MFHAS1: variants seen among roughly 807,000 people sequenced by gnomAD.
MFHAS1 encodes the protein malignant fibrous histiocytoma-amplified sequence 1.
In MFHAS1, 50 loss-of-function variants were observed where a neutral mutation model predicts 70.4. That is an observed-to-expected ratio of 0.71 (90% CI 0.57 to 0.90). MFHAS1 has a LOEUF of 0.90. MFHAS1 is among the 40% of genes least tolerant of loss of function. The pLI is 0.00. For synonymous variants in MFHAS1, 952 were observed against 620.0 expected, an observed-to-expected ratio of 1.54 and a Z score of -7.96; for missense variants, 1,795 against 1,347.6, an observed-to-expected ratio of 1.33 and a Z score of -5.20.
intron 1 of MFHAS1, among the ~76,000 whole-genome samples, chr8:8,847,520 C>T (rs1003995369): frequency 2.6e-5 from 4 of 152,100 alleles, no homozygotes; most frequent in Non-Finnish European, 5.9e-5. Flanking sequence ...AAAGGATCTA[C>T]TCAGAAGCAG....
chr8:8,889,189 G>A (rs1809890682), intron 1 of MFHAS1, among the ~76,000 whole-genome samples: 1 of 152,034 alleles, frequency 6.6e-6, no homozygotes, highest in Non-Finnish European at 1.5e-5. Context: ...ATTAAGCACT[G>A]CCAGAAAGCT....
Position 8,889,871 on chromosome 8 carries a change from T to G in MFHAS1, c.2998+190A>C, listed in dbSNP as rs536986883. On this transcript the variant is annotated intron_variant, in intron 1 of 2. Transcript: ENST00000276282. Reference sequence around the variant, plus strand: ...GTCTGTTAGGAGAGGATGACACTTGTGACTGCATTTCATAAGGCTCAGGTA... The same window carrying G: ...GTCTGTTAGGAGAGGATGACACTTGGGACTGCATTTCATAAGGCTCAGGTA... Among the ~76,000 whole-genome samples, 9 of 152,226 alleles carry G rather than the reference T, an allele frequency of 5.9e-5. 1 individual carries two copies. Among genetic ancestry groups the G allele is most frequent in the Non-Finnish European group, 1.3e-4 (9 of 68,034 alleles).
intron 1 of MFHAS1, among the ~76,000 whole-genome samples, chr8:8,835,995 C>A (rs917957241): frequency 6.6e-6 from 1 of 152,196 alleles, no homozygotes; most frequent in Non-Finnish European, 1.5e-5. Flanking sequence ...CAGGCTATAG[C>A]CTGCGAAGCG....
intron 1 of MFHAS1, among the ~76,000 whole-genome samples, chr8:8,823,903 G>C (rs182310327): frequency 8.0e-6 from 1 of 125,264 alleles, no homozygotes; most frequent in Non-Finnish European, 1.7e-5. Context: ...ATGAGTGAGC[G>C]CTCACAGAAA....
chr8:8,856,449 C>T (rs1808442931), intron 1 of MFHAS1, among the ~76,000 whole-genome samples: 1 of 152,164 alleles, frequency 6.6e-6, no homozygotes, highest in South Asian at 2.1e-4. Flanking sequence ...ATGGTGTGTA[C>T]ATATTTCCTG....
At chr8:8,811,349 C>G (rs1806540200) in intron 1 of MFHAS1, among the ~76,000 whole-genome samples, 1 of 151,882 alleles carries the variant, frequency 6.6e-6, no homozygotes, top group Non-Finnish European at 1.5e-5. Context: ...GCGCTGTCAC[C>G]CAGGCTGGAG....
chr8:8,871,765 G>A (rs1248365919), intron 1 of MFHAS1, among the ~76,000 whole-genome samples: 1 of 152,182 alleles, frequency 6.6e-6, no homozygotes, highest in East Asian at 1.9e-4. Context: ...TACATCCAAG[G>A]CTCAGATGCA....
At chr8:8,824,929 C>T (rs999321285) in intron 1 of MFHAS1, among the ~76,000 whole-genome samples, 2 of 152,216 alleles carry the variant, frequency 1.3e-5, no homozygotes, top group Non-Finnish European at 2.9e-5. Context: ...CAGTCAGATG[C>T]GCTTCTCTGC....
chr8:8,838,902 C>T (rs1807702822), intron 1 of MFHAS1, among the ~76,000 whole-genome samples: 1 of 151,946 alleles, frequency 6.6e-6, no homozygotes, highest in South Asian at 2.1e-4. Flanking sequence ...CTTTCTCTTT[C>T]TCTGATCTAA....
rs933636143 is a variant in MFHAS1, at chr8:8,861,974, T to C, written c.2998+28087A>G. Reference sequence around the variant, plus strand: ...ACAAGTTGTTTCCAGTATGTGGCAATTGTGGAAAAAGCTGTTATGAACATT... The same window carrying C: ...ACAAGTTGTTTCCAGTATGTGGCAACTGTGGAAAAAGCTGTTATGAACATT... On this transcript the variant is annotated intron_variant, in intron 1 of 2. Coordinates refer to ENST00000276282, the MANE Select transcript of MFHAS1 (RefSeq NM_004225.3). 5.9e-5 allele frequency among the ~76,000 whole-genome samples: 9 copies of C among 152,250 alleles called. No homozygotes were observed. In the South Asian group the frequency reaches 6.2e-4, roughly 11 times the overall value.
chr8:8,849,671 G>C (rs553094079), intron 1 of MFHAS1, among the ~76,000 whole-genome samples: 2 of 152,288 alleles, frequency 1.3e-5, no homozygotes, highest in Admixed American at 1.3e-4. Context: ...AGTCCAAGTG[G>C]ACACTTCATT....
Position 8,890,618 on chromosome 8 carries a change from T to A in MFHAS1, c.2441A>T (p.Gln814Leu), listed in dbSNP as rs1809962561. 5 of 1,613,992 alleles carry A rather than the reference T, an allele frequency of 3.1e-6. No individual in the cohort carries two copies. The highest frequency in any genetic ancestry group is 3.4e-6 in the Non-Finnish European group (4 of 1,180,014). Reference sequence around the variant, plus strand: ...CTCCAGCAACAGCTGCAAGTCCTGCTGGGCCTGGACATGAGGCTTAAGCAG... The same window carrying A: ...CTCCAGCAACAGCTGCAAGTCCTGCAGGGCCTGGACATGAGGCTTAAGCAG... ...RLLLKPHVQA[Q>L]QDLQLLLELL... The change falls in exon 1 of 3, where the codon CAG (glutamine) becomes CTG (leucine). Residue 814 changes from glutamine to leucine, a missense_variant. Transcript: ENST00000276282.
chr8:8,826,201 C>T (rs746437674), intron 1 of MFHAS1, among the ~76,000 whole-genome samples: 17 of 151,880 alleles, frequency 1.1e-4, no homozygotes, highest in African/African-American at 1.9e-4. Flanking sequence ...ACTACTGTTA[C>T]CCATTTCTCA....
At chr8:8,876,532 C>T (rs536410537) in intron 1 of MFHAS1, among the ~76,000 whole-genome samples, 6 of 151,984 alleles carry the variant, frequency 3.9e-5, no homozygotes, top group South Asian at 2.1e-4. Context: ...GTCAGCAGTT[C>T]GAGACCAGTG....
At chr8:8,811,751 T>G (rs1204862305) in intron 1 of MFHAS1, among the ~76,000 whole-genome samples, 1 of 152,190 alleles carries the variant, frequency 6.6e-6, no homozygotes, top group Non-Finnish European at 1.5e-5. Context: ...AGATATATGT[T>G]AAAGAACGAA....
intron 1 of MFHAS1, among the ~76,000 whole-genome samples, chr8:8,888,597 A>C (rs1809861956): frequency 6.6e-6 from 1 of 152,212 alleles, no homozygotes. Context: ...TCCCAACTAA[A>C]AACTAGTTTG....
chr8:8,829,746 T>G (rs151297314), intron 1 of MFHAS1, among the ~76,000 whole-genome samples: 8 of 152,272 alleles, frequency 5.3e-5, no homozygotes, highest in Admixed American at 2.0e-4. Flanking sequence ...CCTCAGTGCC[T>G]GACACAATGG....
At chr8:8,884,674 T>C (rs190685309) in intron 1 of MFHAS1, among the ~76,000 whole-genome samples, 3 of 152,026 alleles carry the variant, frequency 2.0e-5, no homozygotes, top group Admixed American at 1.3e-4. Flanking sequence ...GAAAAAGAGA[T>C]AGTTCTCAGG....
At chr8:8,852,000 C>G (rs1352575924) in intron 1 of MFHAS1, among the ~76,000 whole-genome samples, 1 of 152,158 alleles carries the variant, frequency 6.6e-6, no homozygotes, top group East Asian at 1.9e-4. Context: ...CCCTCAGGAA[C>G]AGCGATGCCA....
Sources: gnomAD v4.1 joint callset for allele counts (sites outside exome capture counted in the v4.1 genomes callset) on GRCh38, gnomAD v4.1.1 for gene constraint, MANE v1.5 for transcripts, NCBI Gene and HGNC (gene_info 2026-07-23, HGNC 2026-07-21) for gene names.